IFT140: variants seen among roughly 807,000 people sequenced by gnomAD.
IFT140 encodes intraflagellar transport protein 140 homolog.
Under a neutral mutation model 164.6 loss-of-function variants are expected in IFT140, and 133 were observed. The ratio of observed to expected loss-of-function variants is 0.81; its 90% CI spans 0.70 to 0.93. The LOEUF (loss-of-function observed/expected upper bound fraction) is 0.93. IFT140 is among the 40% of genes least tolerant of loss of function. IFT140 has a pLI of 0.00. For synonymous variants in IFT140, 860 were observed against 817.3 expected (o/e 1.05, Z -0.89); for missense variants, 2,045 against 1,972.3 (o/e 1.04, Z -0.70).
chr16:1,527,585 T>G (rs552363285), intron 19 of IFT140, among the ~76,000 whole-genome samples: 1 of 152,290 alleles, frequency 6.6e-6, no homozygotes, highest in Admixed American at 6.5e-5. Flanking sequence ...GTTTTTTTGT[T>G]GTGTAAGACA....
At chr16:1,570,104 A>G (rs566039288) in intron 14 of IFT140, among the ~76,000 whole-genome samples, 13 of 152,224 alleles carry the variant, frequency 8.5e-5, no homozygotes, top group African/African-American at 2.6e-4. Context: ...GGCAGCACAG[A>G]TGCTGCCAGC....
At chr16:1,590,600 G>A (rs1408685467) in intron 6 of IFT140, among the ~76,000 whole-genome samples, 3 of 152,086 alleles carry the variant, frequency 2.0e-5, no homozygotes, top group Admixed American at 2.0e-4. Context: ...TTCCTGCCCT[G>A]CCTGAGCCTG....
intron 7 of IFT140, 42 bp from the exon 8 acceptor site, chr16:1,588,066 A>G: frequency 6.4e-7 from 1 of 1,566,672 alleles, no homozygotes; most frequent in Non-Finnish European, 8.7e-7. Flanking sequence ...GTGCTTGCTG[A>G]GACGGCCTGT....
intron 26 of IFT140, among the ~76,000 whole-genome samples, chr16:1,522,794 C>T (rs776949056): frequency 3.3e-5 from 5 of 152,144 alleles, no homozygotes; most frequent in Admixed American, 1.3e-4. Flanking sequence ...GCCGAGATTG[C>T]GCCACTGCAC....
chr16:1,526,414 C>T (rs1053796144), intron 20 of IFT140: 2 of 626,586 alleles, frequency 3.2e-6, no homozygotes, highest in Non-Finnish European at 5.4e-6. Flanking sequence ...GACAGGCACA[C>T]ACCCTGGAGA....
At chr16:1,589,813 G>T (rs751770724) in intron 6 of IFT140, 33 bp from the exon 7 acceptor site, 11 of 1,579,056 alleles carry the variant, frequency 7.0e-6, no homozygotes, top group Middle Eastern at 1.7e-4. Context: ...TACATGAGGA[G>T]GCCCTGGTTT....
chr16:1,587,677 C>T (rs574093854), intron 8 of IFT140, among the ~76,000 whole-genome samples: 17 of 152,174 alleles, frequency 1.1e-4, no homozygotes, highest in South Asian at 6.2e-4. Context: ...AGAGATTCCA[C>T]GGGCAAACAC....
At chr16:1,603,277 T>C (rs1411917152) in intron 3 of IFT140, among the ~76,000 whole-genome samples, 2 of 152,094 alleles carry the variant, frequency 1.3e-5, no homozygotes, top group Non-Finnish European at 1.5e-5. Flanking sequence ...CAGGTGAGGT[T>C]TGTGGCCCCA....
chr16:1,519,754 G>T, intron 29 of IFT140, 127 bp downstream of exon 29: 1 of 871,040 alleles, frequency 1.1e-6, no homozygotes, highest in Non-Finnish European at 1.7e-6. Flanking sequence ...GTCTTCAGCA[G>T]TAGTGCTGTC....
intron 19 of IFT140, 184 bp downstream of exon 19, chr16:1,557,751 G>A: frequency 1.6e-6 from 1 of 630,106 alleles, no homozygotes; most frequent in African/African-American, 1.8e-5. Flanking sequence ...GAGGCTGAGA[G>A]CTTCCCACGT....
At chr16:1,594,752 G>A (rs536701464) in intron 4 of IFT140, among the ~76,000 whole-genome samples, 11 of 152,314 alleles carry the variant, frequency 7.2e-5, no homozygotes, top group Non-Finnish European at 8.8e-5. Context: ...GAGGGGATGC[G>A]GTTAGGCGGC....
chr16:1,517,053 C>T (rs2040375901), intron 30 of IFT140, among the ~76,000 whole-genome samples: 1 of 152,038 alleles, frequency 6.6e-6, no homozygotes, highest in South Asian at 2.1e-4. Flanking sequence ...ATTGGAATTT[C>T]AGAAGCAGAG....
At chr16:1,592,652 GGT>G in intron 4 of IFT140, 64 bp from the exon 5 acceptor site, 1 of 1,561,088 alleles carries the variant, frequency 6.4e-7, no homozygotes, top group South Asian at 1.2e-5. Flanking sequence ...TGGAGGGACA[GGT>G]GTCCTGGCAG....
At chr16:1,548,926 G>C (rs1327511832) in intron 19 of IFT140, among the ~76,000 whole-genome samples, 1 of 152,210 alleles carries the variant, frequency 6.6e-6, no homozygotes, top group Non-Finnish European at 1.5e-5. Flanking sequence ...CACACGGAAG[G>C]TTCCCTCATG....
intron 10 of IFT140, among the ~76,000 whole-genome samples, chr16:1,585,839 C>T (rs990053866): frequency 1.4e-5 from 2 of 146,556 alleles, no homozygotes; most frequent in Non-Finnish European, 3.0e-5. Flanking sequence ...GGCACAATCT[C>T]GGCTCACTGC....
At chr16:1,529,529 T>C (rs1249195011) in intron 19 of IFT140, among the ~76,000 whole-genome samples, 1 of 152,208 alleles carries the variant, frequency 6.6e-6, no homozygotes, top group Non-Finnish European at 1.5e-5. Flanking sequence ...CGATTCGCGC[T>C]CCTCAGTCTT....
At chr16:1,598,294 T>C (rs989420633) in intron 4 of IFT140, among the ~76,000 whole-genome samples, 5 of 152,000 alleles carry the variant, frequency 3.3e-5, no homozygotes, top group Admixed American at 2.6e-4. Flanking sequence ...CCGTCTTTAC[T>C]AAAAATACAA....
chr16:1,526,967 G>A lies in IFT140; in HGVS notation c.2400-171C>T, dbSNP rs988651355. On this transcript the variant is annotated intron_variant, in intron 19 of 30. Transcript: ENST00000426508. ...TGGGCAAGACTGCAGGCCATGCAGA[G>A]AGGTGCCCGTCACGAGTCCCACGGC... is the stretch of plus-strand genomic sequence containing the variant. The A allele has an allele frequency of 9.1e-5, 61 of 672,194 alleles. No homozygotes were observed. In the African/African-American group the frequency reaches 1.1e-3, roughly 12 times the overall value. 41.6% of individuals were successfully genotyped at this position (672,194 alleles called of 1,614,324 possible). A position where few individuals can be genotyped will look rare whatever the true frequency, so the allele number is the denominator to read the frequency against.
Position 1,563,993 on chromosome 16 carries a change from G to T in IFT140, c.2067+4C>A. The T allele has an allele frequency of 6.4e-7, 1 of 1,568,100 alleles. No homozygotes were observed. Among genetic ancestry groups the T allele is most frequent in the Non-Finnish European group, 8.7e-7 (1 of 1,148,642 alleles). On this transcript the variant is annotated splice_donor_region_variant and intron_variant, in intron 17 of 30. Coordinates refer to ENST00000426508, the MANE Select transcript of IFT140 (RefSeq NM_014714.4). ...TAAACTCAAATACAACAGGCAGAGC[G>T]TACCGCAGGGCCAGCGCGCCCATCT...
Sources: gnomAD v4.1 joint callset for allele counts (sites outside exome capture counted in the v4.1 genomes callset) on GRCh38, gnomAD v4.1.1 for gene constraint, MANE v1.5 for transcripts, NCBI Gene and HGNC (gene_info 2026-07-23, HGNC 2026-07-21) for gene names.